Variants in VAV3 observed in about 807,000 individuals in gnomAD.
VAV3 encodes the protein guanine nucleotide exchange factor VAV3.
Under a neutral mutation model 131.2 loss-of-function variants are expected in VAV3, and 94 were observed. The observed-to-expected ratio is 0.72, with a 90% CI of 0.61 to 0.85. The LOEUF (loss-of-function observed/expected upper bound fraction) is 0.85, where lower values mean the gene tolerates loss of function less well. Ranked by LOEUF, VAV3 falls within the 40% of genes least tolerant of loss-of-function variation. The pLI is 0.00. For synonymous variants in VAV3, 349 were observed against 342.0 expected, an observed-to-expected ratio of 1.02 and a Z score of -0.22; for missense variants, 939 against 1,002.7, an observed-to-expected ratio of 0.94 and a Z score of 0.86.
rs200076516 is a variant in VAV3, at chr1:107,617,579, C to T, written c.1968G>A (p.Lys656=). 1 of 1,612,646 alleles carries T rather than the reference C, an allele frequency of 6.2e-7. No individual in the cohort carries two copies. The highest frequency in any genetic ancestry group is 2.2e-5 in the East Asian group (1 of 44,806). ...EVGFFPSDAV[K]PCPCVPKPVD... Reference sequence around the variant, plus strand: ...TACTAATACTTACACATGGGCAAGGCTTGACTGCATCACTTGGAAAAAATC... The same window carrying T: ...TACTAATACTTACACATGGGCAAGGTTTGACTGCATCACTTGGAAAAAATC... The change falls in exon 21 of 27, where the codon AAG becomes AAA. Residue 656 remains lysine (K), a synonymous_variant. Coordinates refer to ENST00000370056, the MANE Select transcript of VAV3 (RefSeq NM_006113.5).
chr1:107,769,504 T>G (rs550855607), intron 6 of VAV3, among the ~76,000 whole-genome samples: 1 of 152,260 alleles, frequency 6.6e-6, no homozygotes, highest in Non-Finnish European at 1.5e-5. Flanking sequence ...TCTGGAGAGC[T>G]GGCCTCAAAC....
Position 107,596,332 on chromosome 1 carries a change from C to T in VAV3, c.2230G>A (p.Glu744Lys), listed in dbSNP as rs1427561277. The change falls in exon 25 of 27, where the codon GAG (glutamate) becomes AAG (lysine). Residue 744 changes from glutamate (E) to lysine (K), a missense_variant. Transcript: ENST00000370056. ...RKFKSLMELV[E>K]YYKHHSLKEG... is the part of the protein sequence containing the mutation. ...TTGAGAGAATGATGCTTGTAGTACTCCACAAGTTCCTTTGGAAAAAAGAAT... is the reference window on the plus strand; with the variant it reads ...TTGAGAGAATGATGCTTGTAGTACTTCACAAGTTCCTTTGGAAAAAAGAAT... The T allele has an allele frequency of 6.2e-7, 1 of 1,609,176 alleles. No individual in the cohort carries two copies. The highest frequency in any genetic ancestry group is 8.5e-7 in the Non-Finnish European group (1 of 1,178,342).
chr1:107,804,804 G>A (rs1224191953), intron 2 of VAV3, among the ~76,000 whole-genome samples: 1 of 151,962 alleles, frequency 6.6e-6, no homozygotes, highest in Non-Finnish European at 1.5e-5. Flanking sequence ...TTTTCTTTCA[G>A]AATGAAAAAC....
chr1:107,717,130 T>G (rs1661151223), intron 15 of VAV3, among the ~76,000 whole-genome samples: 1 of 152,162 alleles, frequency 6.6e-6, no homozygotes, highest in African/African-American at 2.4e-5. Context: ...TCCTCTCTTT[T>G]CTTCTTTATT....
chr1:107,841,950 AG>A (rs1421889774), intron 2 of VAV3, among the ~76,000 whole-genome samples: 18 of 152,238 alleles, frequency 1.2e-4, no homozygotes, highest in Non-Finnish European at 2.6e-4. Context: ...TGTAGCAACT[AG>A]AAAATTTAAA....
Position 107,737,038 on chromosome 1 carries a change from A to G in VAV3, c.1502+11930T>C, listed in dbSNP as rs538715648. On this transcript the variant is annotated intron_variant, in intron 15 of 26. Coordinates refer to ENST00000370056, the MANE Select transcript of VAV3 (RefSeq NM_006113.5). ...ACCAATGGAACAGAATAGAGGCCTCAGAAATAACACCACACATCTACAAAC... is the reference window on the plus strand; with the variant it reads ...ACCAATGGAACAGAATAGAGGCCTCGGAAATAACACCACACATCTACAAAC... Among the ~76,000 whole-genome samples the G allele has an allele frequency of 4.6e-5, 7 of 152,344 alleles. No individual in the cohort carries two copies. In the South Asian group the frequency reaches 1.4e-3, roughly 32 times the overall value.
At chr1:107,900,290 G>C (rs970869756) in intron 1 of VAV3, among the ~76,000 whole-genome samples, 1 of 152,194 alleles carries the variant, frequency 6.6e-6, no homozygotes, top group Non-Finnish European at 1.5e-5. Flanking sequence ...AGTATACTTT[G>C]TAGCCACACG....
intron 17 of VAV3, among the ~76,000 whole-genome samples, chr1:107,690,603 C>T (rs1659364806): frequency 6.6e-6 from 1 of 152,152 alleles, no homozygotes; most frequent in African/African-American, 2.4e-5. Context: ...CCTCCCTTGT[C>T]ATTGTCTCCT....
At chr1:107,606,331 G>C (rs748918434) in intron 22 of VAV3, among the ~76,000 whole-genome samples, 37 of 151,938 alleles carry the variant, frequency 2.4e-4, no homozygotes, top group Non-Finnish European at 4.4e-4. Context: ...CTAATTCTTT[G>C]TATGTTGCCT....
rs1012060367 is a variant in VAV3, at chr1:107,668,369, G to A, written c.1777+15119C>T. On this transcript the variant is annotated intron_variant, in intron 19 of 26. Coordinates refer to ENST00000370056, the MANE Select transcript of VAV3 (RefSeq NM_006113.5). ...ATTTGGTTTAAAGCTCAGTTTCAGC[G>A]TTTATTACTTACATGAATTTGGACA... 1.8e-4 allele frequency among the ~76,000 whole-genome samples: 27 copies of A among 152,318 alleles called. No homozygotes were observed. In the East Asian group the frequency reaches 1.9e-3, roughly 11 times the overall value.
chr1:107,698,747 A>G (rs2101819206), intron 17 of VAV3, among the ~76,000 whole-genome samples: 1 of 152,326 alleles, frequency 6.6e-6, no homozygotes, highest in Non-Finnish European at 1.5e-5. Flanking sequence ...ATTGACTCCC[A>G]GTTTAACATG....
chr1:107,808,904 A>G (rs1299207666), intron 2 of VAV3, among the ~76,000 whole-genome samples: 5 of 152,186 alleles, frequency 3.3e-5, no homozygotes, highest in African/African-American at 9.7e-5. Context: ...AAATTCCTAG[A>G]AGTGAATAAT....
chr1:107,910,343 T>C (rs1371180195), intron 1 of VAV3, among the ~76,000 whole-genome samples: 1 of 152,248 alleles, frequency 6.6e-6, no homozygotes, highest in Non-Finnish European at 1.5e-5. Context: ...CCCTCTTCCG[T>C]GTCCTGAAGA....
At chr1:107,776,870 T>C (rs1665389551) in intron 4 of VAV3, among the ~76,000 whole-genome samples, 1 of 152,184 alleles carries the variant, frequency 6.6e-6, no homozygotes, top group Admixed American at 6.5e-5. Context: ...CACTTATCTC[T>C]CCCTTCCTTG....
intron 19 of VAV3, among the ~76,000 whole-genome samples, chr1:107,664,706 T>TA (rs976829893): frequency 4.6e-5 from 7 of 151,622 alleles, no homozygotes; most frequent in African/African-American, 1.7e-4. Flanking sequence ...CCCAGACCAT[T>TA]AAAAAAAATA....
chr1:107,571,534 TGAG>T lies in VAV3; in HGVS notation c.*1794_*1796del, dbSNP rs1202204168. 1 of 152,512 alleles carries T rather than the reference TGAG, an allele frequency of 6.6e-6. No individual in the cohort carries two copies. The highest frequency in any genetic ancestry group is 6.5e-5 in the Admixed American group (1 of 15,274). 9.4% of individuals were successfully genotyped at this position (152,512 alleles called of 1,614,324 possible). On this transcript the variant is annotated 3_prime_UTR_variant, in exon 27 of 27. Transcript: ENST00000370056. ...ATCCACAGGAGTGTTTCTGCTTGTG[TGAG>T]GCTGCTCCCTCCATAACAAAGTTCG...
intron 1 of VAV3, among the ~76,000 whole-genome samples, chr1:107,922,946 C>A (rs180708733): frequency 7.9e-6 from 1 of 126,044 alleles, no homozygotes; most frequent in East Asian, 2.3e-4. Context: ...AGCGAGACTC[C>A]GTCTCAAAAA....
chr1:107,662,301 T>C (rs1332104708), intron 19 of VAV3, among the ~76,000 whole-genome samples: 1 of 152,150 alleles, frequency 6.6e-6, no homozygotes. Flanking sequence ...ATAAAAAAAC[T>C]ATAAAGTTAA....
intron 1 of VAV3, among the ~76,000 whole-genome samples, chr1:107,890,648 A>T (rs2101058943): frequency 6.6e-6 from 1 of 152,368 alleles, no homozygotes. Context: ...TAATTCCCAC[A>T]ACCAGACACC....
Sources: gnomAD v4.1 joint callset for allele counts (sites outside exome capture counted in the v4.1 genomes callset) on GRCh38, gnomAD v4.1.1 for gene constraint, MANE v1.5 for transcripts, NCBI Gene and HGNC (gene_info 2026-07-23, HGNC 2026-07-21) for gene names.